AK5: variants seen among roughly 807,000 people sequenced by gnomAD.
AK5 encodes adenylate kinase 5, also known as adenylate kinase isoenzyme 5.
Under a neutral mutation model 69.5 loss-of-function variants are expected in AK5, and 27 were observed. The ratio of observed to expected loss-of-function variants is 0.39; its 90% confidence interval spans 0.29 to 0.54. AK5 has a LOEUF of 0.54. AK5 is among the 20% of genes least tolerant of loss of function. The pLI, the probability that AK5 is intolerant of heterozygous loss-of-function variation, is 0.71. For missense variants in AK5, 531 were observed against 700.4 expected (o/e 0.76, Z 2.73); for synonymous variants, 260 against 244.4 (o/e 1.06, Z -0.60).
At chr1:77,517,471 T>C (rs1223661445) in intron 10 of AK5, among the ~76,000 whole-genome samples, 1 of 152,210 alleles carries the variant, frequency 6.6e-6, no homozygotes, top group African/African-American at 2.4e-5. Flanking sequence ...ATTTAACTTC[T>C]CTGTGCCTCT....
chr1:77,407,391 C>G lies in AK5; in HGVS notation c.892-3590C>G, dbSNP rs369933039. On this transcript the variant is annotated intron_variant, in intron 6 of 13. Coordinates refer to ENST00000354567, the MANE Select transcript of AK5 (RefSeq NM_174858.3). Reference sequence around the variant, plus strand: ...GAATAATAGTACTGAGTGAAAGAACCCAGACAAAAATAGTTGCATACGGTA... The same window carrying G: ...GAATAATAGTACTGAGTGAAAGAACGCAGACAAAAATAGTTGCATACGGTA... Among the ~76,000 whole-genome samples, 10 of 151,978 alleles carry G rather than the reference C, an allele frequency of 6.6e-5. No individual in the cohort carries two copies. In the East Asian group the frequency reaches 1.9e-3, roughly 29 times the overall value.
intron 6 of AK5, among the ~76,000 whole-genome samples, chr1:77,408,873 G>A (rs35425557): frequency 0.22 from 34,149 of 151,842 alleles, 4,065 homozygotes; most frequent in East Asian, 0.38. Context: ...TATTAAGCCC[G>A]GTATCTAATA....
intron 9 of AK5, among the ~76,000 whole-genome samples, chr1:77,485,621 G>A: frequency 6.6e-6 from 1 of 152,122 alleles, no homozygotes; most frequent in East Asian, 1.9e-4. Context: ...CTCTACTTGT[G>A]TTTTAACCAT....
intron 10 of AK5, among the ~76,000 whole-genome samples, chr1:77,502,687 T>A (rs774704926): frequency 1.1e-3 from 168 of 152,326 alleles, no homozygotes; most frequent in Non-Finnish European, 2.1e-3. Flanking sequence ...AGGAAGAAGA[T>A]GCTCATCTGT....
chr1:77,296,191 T>C (rs1658992960), intron 3 of AK5, among the ~76,000 whole-genome samples: 1 of 152,168 alleles, frequency 6.6e-6, no homozygotes, highest in African/African-American at 2.4e-5. Flanking sequence ...GAGGTATAGA[T>C]GCCCACATGG....
At chr1:77,535,749 C>G in intron 12 of AK5, 98 bp from the exon 13 acceptor site, 1 of 1,115,746 alleles carries the variant, frequency 9.0e-7, no homozygotes, top group Non-Finnish European at 1.3e-6. Flanking sequence ...TGAAGGGAAC[C>G]AGAAGGCCAA....
intron 6 of AK5, among the ~76,000 whole-genome samples, chr1:77,363,271 A>G (rs1646896332): frequency 6.6e-6 from 1 of 152,116 alleles, no homozygotes; most frequent in Non-Finnish European, 1.5e-5. Flanking sequence ...GGTCTTTTTC[A>G]ATAAGTCCTA....
At position 77,558,844 on chromosome 1, in the gene AK5, A is replaced by C; in HGVS notation, c.*174A>C. ...AGACCTGTGTGAGAGGTGTCTGGAA[A>C]TCATGCATGGTGTATTTGGGACTAT... On this transcript the variant is annotated 3_prime_UTR_variant, in exon 14 of 14. Coordinates refer to ENST00000354567, the MANE Select transcript of AK5 (RefSeq NM_174858.3). The C allele has an allele frequency of 1.7e-6, 1 of 600,548 alleles. No homozygotes were observed. Among genetic ancestry groups the C allele is most frequent in the Non-Finnish European group, 3.1e-6 (1 of 327,624 alleles). 37.2% of individuals were successfully genotyped at this position (600,548 alleles called of 1,614,324 possible).
At chr1:77,530,942 C>T (rs1658538140) in intron 12 of AK5, among the ~76,000 whole-genome samples, 1 of 152,174 alleles carries the variant, frequency 6.6e-6, no homozygotes, top group African/African-American at 2.4e-5. Flanking sequence ...ACCATGATCA[C>T]AGTCCACAAT....
At chr1:77,385,384 C>A (rs1647949298) in intron 6 of AK5, among the ~76,000 whole-genome samples, 1 of 152,150 alleles carries the variant, frequency 6.6e-6, no homozygotes, top group South Asian at 2.1e-4. Context: ...TGGTCTCGAT[C>A]TCCTGATCTC....
intron 6 of AK5, among the ~76,000 whole-genome samples, chr1:77,364,794 A>T (rs1432905798): frequency 6.6e-6 from 1 of 152,176 alleles, no homozygotes; most frequent in Non-Finnish European, 1.5e-5. Context: ...GGTTGATTCC[A>T]TATCTTGGCT....
At chr1:77,288,290 A>T (rs947858396) in intron 2 of AK5, among the ~76,000 whole-genome samples, 1 of 152,238 alleles carries the variant, frequency 6.6e-6, no homozygotes, top group Non-Finnish European at 1.5e-5. Flanking sequence ...TTTGAGACGT[A>T]TAATAGTATG....
intron 2 of AK5, chr1:77,293,458 G>A (rs942037433): frequency 6.3e-5 from 12 of 191,074 alleles, no homozygotes; most frequent in Non-Finnish European, 1.3e-4. Flanking sequence ...GGCAGAGGGC[G>A]GCAAAGTTTC....
intron 6 of AK5, among the ~76,000 whole-genome samples, chr1:77,407,905 AAT>A (rs1649765838): frequency 6.6e-6 from 1 of 152,156 alleles, no homozygotes; most frequent in Non-Finnish European, 1.5e-5. Flanking sequence ...TTCCTTTGCT[AAT>A]TCACTTAGCA....
intron 8 of AK5, among the ~76,000 whole-genome samples, chr1:77,430,592 T>C (rs1651572247): frequency 6.6e-6 from 1 of 151,970 alleles, no homozygotes; most frequent in African/African-American, 2.4e-5. Flanking sequence ...GGAGATGAGA[T>C]AGAGAAAGAA....
At chr1:77,522,041 A>T (rs1390915158) in intron 12 of AK5, 98 bp downstream of exon 12, 2 of 970,582 alleles carry the variant, frequency 2.1e-6, no homozygotes, top group South Asian at 1.8e-5. Context: ...AATTACATTA[A>T]TGAAAACTTT....
At chr1:77,441,929 G>T (rs72681659) in intron 8 of AK5, among the ~76,000 whole-genome samples, 2 of 152,052 alleles carry the variant, frequency 1.3e-5, no homozygotes, top group Non-Finnish European at 2.9e-5. Context: ...GTGACTCTGA[G>T]GTACCCCCTA....
At chr1:77,331,477 C>G (rs576262056) in intron 5 of AK5, among the ~76,000 whole-genome samples, 1 of 152,148 alleles carries the variant, frequency 6.6e-6, no homozygotes, top group Non-Finnish European at 1.5e-5. Flanking sequence ...TTAAGATTAT[C>G]AAATGATTTT....
intron 8 of AK5, among the ~76,000 whole-genome samples, chr1:77,419,047 C>G (rs1467493418): frequency 1.2e-4 from 2 of 17,140 alleles, no homozygotes; most frequent in Admixed American, 8.0e-4. Flanking sequence ...CTCTATATCA[C>G]AGACAAAAAA....
Sources: allele counts gnomAD v4.1 joint callset (sites outside exome capture counted in the v4.1 genomes callset), GRCh38; gene constraint gnomAD v4.1.1; transcripts MANE v1.5; gene names NCBI Gene and HGNC (gene_info 2026-07-23, HGNC 2026-07-21).